Variants in SYBU observed in about 807,000 individuals in gnomAD.
The protein encoded by SYBU is GOLSYN A protein.
A neutral mutation model predicts 35.9 loss-of-function variants in SYBU; 21 were observed. That is an observed-to-expected ratio of 0.58 (90% CI 0.41 to 0.84). The LOEUF (loss-of-function observed/expected upper bound fraction) is 0.84. Among genes scored for constraint, SYBU ranks in the 40% least tolerant of loss-of-function variants. SYBU has a pLI of 0.00. For missense variants in SYBU, 768 were observed against 848.2 expected (o/e 0.91, Z 1.17); for synonymous variants, 319 against 324.3 (o/e 0.98, Z 0.18).
At chr8:109,656,795 G>A (rs1816372595) in intron 1 of SYBU, among the ~76,000 whole-genome samples, 1 of 152,124 alleles carries the variant, frequency 6.6e-6, no homozygotes, top group Non-Finnish European at 1.5e-5. Flanking sequence ...CTTGGAATAA[G>A]CAATGTTTGA....
intron 1 of SYBU, among the ~76,000 whole-genome samples, chr8:109,673,144 G>A (rs1817051901): frequency 6.6e-6 from 1 of 152,208 alleles, no homozygotes; most frequent in African/African-American, 2.4e-5. Flanking sequence ...TGGCTCTGAA[G>A]AGAGCAATGG....
chr8:109,674,265 A>T (rs1426173013), intron 1 of SYBU, among the ~76,000 whole-genome samples: 1 of 150,438 alleles, frequency 6.6e-6, no homozygotes, highest in African/African-American at 2.4e-5. Context: ...AAAAAAAAAA[A>T]TTTTAAGGGC....
chr8:109,670,247 A>T (rs1029570078), intron 1 of SYBU, among the ~76,000 whole-genome samples: 5 of 151,544 alleles, frequency 3.3e-5, no homozygotes, highest in Admixed American at 6.6e-5. Context: ...CTTTTTTTAA[A>T]TTTTTTTTTA....
chr8:109,580,036 T>C, intron 4 of SYBU, 34 bp from the exon 5 acceptor site: 1 of 1,601,886 alleles, frequency 6.2e-7, no homozygotes, highest in Non-Finnish European at 8.5e-7. Context: ...TTAAAATTCT[T>C]GGGGCTACAG....
chr8:109,579,059 T>C (rs1379517630), intron 5 of SYBU, among the ~76,000 whole-genome samples: 1 of 152,050 alleles, frequency 6.6e-6, no homozygotes, highest in Non-Finnish European at 1.5e-5. Context: ...CTGACGAGAA[T>C]AGGGATGCCC....
chr8:109,610,546 G>A (rs556646220), intron 3 of SYBU, among the ~76,000 whole-genome samples: 4 of 152,218 alleles, frequency 2.6e-5, no homozygotes, highest in Non-Finnish European at 4.4e-5. Flanking sequence ...CTGTGCTGCT[G>A]AAGCATTACT....
At chr8:109,615,991 TCTTTTCTTTTCTTTC>T (rs1563725866) in intron 3 of SYBU, among the ~76,000 whole-genome samples, 2 of 133,538 alleles carry the variant, frequency 1.5e-5, no homozygotes, top group African/African-American at 3.1e-5. Flanking sequence ...TAATTTCTTT[TCTTTTCTTTTCTTTC>T]TTTTTTTTTT....
intron 1 of SYBU, among the ~76,000 whole-genome samples, chr8:109,675,339 A>G (rs1817147832): frequency 6.6e-6 from 1 of 152,228 alleles, no homozygotes; most frequent in Non-Finnish European, 1.5e-5. Flanking sequence ...CAAAAAATCA[A>G]TGAATTCCGG....
chr8:109,636,388 T>C (rs1170831000), intron 2 of SYBU, among the ~76,000 whole-genome samples: 2 of 152,134 alleles, frequency 1.3e-5, no homozygotes, highest in Non-Finnish European at 2.9e-5. Flanking sequence ...GGAAATCCCA[T>C]CCAGATGGGA....
At chr8:109,592,078 G>T (rs1273813394) in intron 3 of SYBU, among the ~76,000 whole-genome samples, 1 of 151,920 alleles carries the variant, frequency 6.6e-6, no homozygotes, top group Non-Finnish European at 1.5e-5. Context: ...AACAATGCCT[G>T]GCATACAGCA....
chr8:109,580,246 T>C (rs1304757258), intron 4 of SYBU: 4 of 477,762 alleles, frequency 8.4e-6, no homozygotes, highest in Non-Finnish European at 1.5e-5. Context: ...ACCATAAAGC[T>C]TTTTTTGGAT....
intron 1 of SYBU, among the ~76,000 whole-genome samples, chr8:109,661,206 C>T (rs1296127502): frequency 1.3e-5 from 2 of 152,172 alleles, no homozygotes; most frequent in Non-Finnish European, 2.9e-5. Context: ...TGAGAGAGTG[C>T]CTTCTGACTC....
intron 3 of SYBU, among the ~76,000 whole-genome samples, chr8:109,591,632 C>G (rs1824276189): frequency 1.3e-5 from 2 of 149,514 alleles, no homozygotes; most frequent in African/African-American, 5.0e-5. Flanking sequence ...CTGCCTCAGC[C>G]TCCCGAGTAG....
chr8:109,599,388 C>T (rs183606547), intron 3 of SYBU, among the ~76,000 whole-genome samples: 82 of 152,342 alleles, frequency 5.4e-4, no homozygotes, highest in African/African-American at 1.7e-3. Context: ...GGACCACCTG[C>T]ATCAGTATCA....
At chr8:109,592,957 A>C (rs1047974642) in intron 3 of SYBU, among the ~76,000 whole-genome samples, 2 of 151,336 alleles carry the variant, frequency 1.3e-5, no homozygotes. Context: ...GAGTTAATGC[A>C]TAGAAAGTGC....
chr8:109,637,466 G>A (rs138713942), intron 2 of SYBU, among the ~76,000 whole-genome samples: 18 of 152,212 alleles, frequency 1.2e-4, no homozygotes, highest in South Asian at 4.1e-4. Flanking sequence ...TATGCCTTTC[G>A]TTTATAATCT....
chr8:109,654,539 C>A (rs1265795563), intron 1 of SYBU, among the ~76,000 whole-genome samples: 1 of 152,198 alleles, frequency 6.6e-6, no homozygotes, highest in East Asian at 1.9e-4. Flanking sequence ...ATTCTTTCAT[C>A]CATCCTTCCC....
chr8:109,687,054 C>A (rs1163285813), intron 1 of SYBU, among the ~76,000 whole-genome samples: 2 of 152,044 alleles, frequency 1.3e-5, no homozygotes, highest in Non-Finnish European at 2.9e-5. Flanking sequence ...AGGTTCTGGT[C>A]CCAAGAACAT....
intron 1 of SYBU, among the ~76,000 whole-genome samples, chr8:109,656,758 G>C (rs181464189): frequency 4.6e-5 from 7 of 152,244 alleles, no homozygotes; most frequent in Admixed American, 4.6e-4. Flanking sequence ...CTTTACCTTG[G>C]TAGTACAGAT....
Sources: allele counts gnomAD v4.1 joint callset (sites outside exome capture counted in the v4.1 genomes callset), GRCh38; gene constraint gnomAD v4.1.1; transcripts MANE v1.5; gene names NCBI Gene and HGNC (gene_info 2026-07-23, HGNC 2026-07-21).